Variants in CNTN5 observed in about 807,000 individuals in gnomAD.
CNTN5 encodes the protein contactin 5.
In CNTN5, 77 loss-of-function variants were observed where a neutral mutation model predicts 129.1. That is an observed-to-expected ratio of 0.60 (90% CI 0.50 to 0.72). The LOEUF (loss-of-function observed/expected upper bound fraction) is 0.72. Ranked by LOEUF, CNTN5 falls within the 30% of genes least tolerant of loss-of-function variation. The pLI, the probability that CNTN5 is intolerant of heterozygous loss-of-function variation, is 0.00. For synonymous variants in CNTN5, 509 were observed against 465.6 expected (o/e 1.09, Z -1.20); for missense variants, 1,478 against 1,328.8 (o/e 1.11, Z -1.75).
chr11:99,418,391 A>G (rs1942752774), intron 2 of CNTN5, among the ~76,000 whole-genome samples: 1 of 152,176 alleles, frequency 6.6e-6, no homozygotes, highest in African/African-American at 2.4e-5. Flanking sequence ...AAGAAAAGAC[A>G]GTAAAACTCA....
intron 3 of CNTN5, among the ~76,000 whole-genome samples, chr11:99,777,684 T>A (rs996274771): frequency 1.3e-5 from 2 of 151,838 alleles, no homozygotes; most frequent in Non-Finnish European, 2.9e-5. Context: ...AGCTTCAAAT[T>A]CCTATTTTTT....
intron 3 of CNTN5, among the ~76,000 whole-genome samples, chr11:99,620,911 A>G (rs1458196041): frequency 7.4e-6 from 1 of 135,658 alleles, no homozygotes; most frequent in Non-Finnish European, 1.6e-5. Context: ...TTAAGCATCT[A>G]ACTATACTTA....
chr11:99,163,474 T>A lies in CNTN5; in HGVS notation c.-210+142204T>A, dbSNP rs140257989. On this transcript the variant is annotated intron_variant, in intron 1 of 24. Transcript: ENST00000524871. ...TTTAATATTTAACAATTTCTCAATT[T>A]TCTGTTTTTCAATTAACACTCAATG... is the stretch of plus-strand genomic sequence containing the variant. 4.9e-3 allele frequency among the ~76,000 whole-genome samples: 740 copies of A among 152,180 alleles called. 8 individuals carry two copies. The highest frequency in any genetic ancestry group is 0.017 in the African/African-American group (710 of 41,558).
chr11:99,503,516 G>C (rs1946502232), intron 2 of CNTN5, among the ~76,000 whole-genome samples: 1 of 152,162 alleles, frequency 6.6e-6, no homozygotes, highest in South Asian at 2.1e-4. Context: ...GAAGCTTTCT[G>C]CAATGCTGTG....
At chr11:100,300,740 G>A (rs1210858228) in intron 20 of CNTN5, among the ~76,000 whole-genome samples, 1 of 151,456 alleles carries the variant, frequency 6.6e-6, no homozygotes, top group Non-Finnish European at 1.5e-5. Context: ...GAATAACCAG[G>A]GAAGTGAAAA....
At chr11:99,719,766 A>T (rs548946130) in intron 3 of CNTN5, among the ~76,000 whole-genome samples, 1 of 152,206 alleles carries the variant, frequency 6.6e-6, no homozygotes, top group Admixed American at 6.5e-5. Flanking sequence ...TTTTGAAAAA[A>T]ATAATAGGCC....
At chr11:99,114,725 G>A (rs1362723108) in intron 1 of CNTN5, among the ~76,000 whole-genome samples, 1 of 152,088 alleles carries the variant, frequency 6.6e-6, no homozygotes, top group Admixed American at 6.6e-5. Context: ...ACTCAAGTTT[G>A]TTCCTCGTAA....
intron 3 of CNTN5, among the ~76,000 whole-genome samples, chr11:99,633,623 AAAC>A (rs1370932237): frequency 1.3e-5 from 2 of 152,226 alleles, no homozygotes; most frequent in African/African-American, 4.8e-5. Context: ...GCATAAGACA[AAAC>A]AACAACAGTA....
At chr11:100,080,690 G>C (rs997323228) in intron 13 of CNTN5, among the ~76,000 whole-genome samples, 1 of 152,124 alleles carries the variant, frequency 6.6e-6, no homozygotes, top group African/African-American at 2.4e-5. Context: ...AAGCTGTTTT[G>C]TTGTTTCCTC....
chr11:99,795,276 A>T (rs1016086927), intron 3 of CNTN5, among the ~76,000 whole-genome samples: 2 of 152,166 alleles, frequency 1.3e-5, no homozygotes, highest in Non-Finnish European at 2.9e-5. Flanking sequence ...CTAGCAGATC[A>T]GTTTGATTCT....
intron 9 of CNTN5, among the ~76,000 whole-genome samples, chr11:100,041,224 A>G (rs1291734958): frequency 6.6e-6 from 1 of 152,168 alleles, no homozygotes; most frequent in African/African-American, 2.4e-5. Context: ...TTCCTTGTCT[A>G]AATAACTCCT....
intron 2 of CNTN5, among the ~76,000 whole-genome samples, chr11:99,484,131 G>T (rs1411326764): frequency 6.6e-6 from 1 of 151,744 alleles, no homozygotes; most frequent in Middle Eastern, 3.2e-3. Context: ...GATCTGACGA[G>T]GATTAATACC....
At chr11:100,102,013 C>T (rs1945240948) in intron 13 of CNTN5, among the ~76,000 whole-genome samples, 1 of 152,116 alleles carries the variant, frequency 6.6e-6, no homozygotes, top group Non-Finnish European at 1.5e-5. Flanking sequence ...AGCTTTGCAA[C>T]TGCAAATTGT....
chr11:99,465,936 C>T (rs1338657030), intron 2 of CNTN5, among the ~76,000 whole-genome samples: 2 of 137,734 alleles, frequency 1.5e-5, no homozygotes, highest in African/African-American at 5.5e-5. Context: ...GGCTGGAGTG[C>T]AGTGGTGCGA....
rs1951040083 is a variant in CNTN5, at chr11:99,964,494, C to T, written c.877+7485C>T. Among the ~76,000 whole-genome samples, 6 of 152,246 alleles carry T rather than the reference C, an allele frequency of 3.9e-5. No individual in the cohort carries two copies. The South Asian group carries it at 1.0e-3, about 26-fold the overall frequency. On this transcript the variant is annotated intron_variant, in intron 8 of 24. Coordinates refer to ENST00000524871, the MANE Select transcript of CNTN5 (RefSeq NM_014361.4). The stretch of plus-strand genomic sequence containing the variant: ...TGCGTATATTGAACCAGCCTTGCAT[C>T]CCAGGGATGAAGCCCACTTGATAGT...
intron 13 of CNTN5, among the ~76,000 whole-genome samples, chr11:100,173,734 C>T (rs1481754622): frequency 6.6e-6 from 1 of 152,110 alleles, no homozygotes; most frequent in Non-Finnish European, 1.5e-5. Flanking sequence ...CTTACAAGAG[C>T]GAGCCTTTGG....
chr11:99,215,928 G>A (rs371349595), intron 1 of CNTN5, among the ~76,000 whole-genome samples: 11 of 152,168 alleles, frequency 7.2e-5, no homozygotes, highest in African/African-American at 2.6e-4. Context: ...TATTCATGCG[G>A]TGCATGTGAT....
At chr11:99,455,215 A>C (rs1165810760) in intron 2 of CNTN5, among the ~76,000 whole-genome samples, 1 of 152,164 alleles carries the variant, frequency 6.6e-6, no homozygotes, top group Non-Finnish European at 1.5e-5. Flanking sequence ...ATGATCTTAA[A>C]GTGAAAGATC....
chr11:100,039,257 G>A (rs191990629), intron 9 of CNTN5, among the ~76,000 whole-genome samples: 9 of 152,136 alleles, frequency 5.9e-5, no homozygotes, highest in African/African-American at 2.2e-4. Context: ...TGAAATTCTA[G>A]GTTGAAAATT....
Sources: gnomAD v4.1 joint callset for allele counts (sites outside exome capture counted in the v4.1 genomes callset) on GRCh38, gnomAD v4.1.1 for gene constraint, MANE v1.5 for transcripts, NCBI Gene and HGNC (gene_info 2026-07-23, HGNC 2026-07-21) for gene names.